Variants in CMSS1 observed in about 807,000 individuals in gnomAD.
CMSS1 encodes the protein cms1 ribosomal small subunit homolog, also known as protein CMSS1.
CMSS1 carries 33 observed loss-of-function variants against 43.5 expected under a neutral mutation model. The observed-to-expected ratio is 0.76, with a 90% CI of 0.57 to 1.01. The LOEUF is 1.01. CMSS1 is among the 50% of genes least tolerant of loss of function. The pLI is 0.00. For missense variants in CMSS1, 313 were observed against 326.4 expected, an observed-to-expected ratio of 0.96 and a Z score of 0.32; for synonymous variants, 115 against 117.2, an observed-to-expected ratio of 0.98 and a Z score of 0.12.
rs113555466 is a variant in CMSS1, at chr3:100,162,530, G to A, written c.355+98G>A. ...GCAGTCAATTAACACATTTTCCAGC[G>A]GGCATGGTGGCTCATGCCTATAATC... is the stretch of plus-strand genomic sequence containing the variant. On this transcript the variant is annotated intron_variant, in intron 4 of 9. Coordinates refer to ENST00000421999, the MANE Select transcript of CMSS1 (RefSeq NM_032359.4). 2.4e-4 allele frequency: 313 copies of A among 1,299,080 alleles called. 1 individual carries two copies. In the African/African-American group the frequency reaches 3.2e-3, roughly 13 times the overall value. The allele number at this position is 1,299,080 out of a possible 1,614,324, so 80.5% of individuals were successfully genotyped here.
At chr3:99,865,748 A>G (rs1396169724) in intron 1 of CMSS1, among the ~76,000 whole-genome samples, 6 of 151,636 alleles carry the variant, frequency 4.0e-5, no homozygotes, top group African/African-American at 1.5e-4. Context: ...TCAAGGGCAT[A>G]ATAATAAATA....
At chr3:99,898,043 A>G (rs1706315465) in intron 1 of CMSS1, 1 of 151,782 alleles carries the variant, frequency 6.6e-6, no homozygotes, top group Admixed American at 6.6e-5. Context: ...TTTTTTCTCC[A>G]GTTAGTCGTC....
In CMSS1 at chr3:100,060,478, A is replaced by C. The variant is rs569382406; in HGVS notation, c.65-86495A>C. 8.5e-5 allele frequency among the ~76,000 whole-genome samples: 13 copies of C among 152,262 alleles called. No homozygotes were observed. In the South Asian group the frequency reaches 2.7e-3, roughly 32 times the overall value. On this transcript the variant is annotated intron_variant, in intron 1 of 9. Transcript: ENST00000421999. The stretch of plus-strand genomic sequence containing the variant: ...CAAGAAAATGAAATCAGAGCACATT[A>C]GAATAGCATCTTCACCCAAGAAAAA...
chr3:100,100,443 G>A (rs1383804853), intron 1 of CMSS1, among the ~76,000 whole-genome samples: 2 of 152,076 alleles, frequency 1.3e-5, no homozygotes, highest in Non-Finnish European at 2.9e-5. Context: ...TACAGATTAG[G>A]TCATAAGGCA....
chr3:100,119,873 T>G (rs1055906931), intron 1 of CMSS1, among the ~76,000 whole-genome samples: 1 of 152,202 alleles, frequency 6.6e-6, no homozygotes, highest in African/African-American at 2.4e-5. Flanking sequence ...TATGTAAAAT[T>G]GAAAGTTCTG....
chr3:100,176,804 T>C (rs1182045157), intron 9 of CMSS1, among the ~76,000 whole-genome samples: 1 of 152,198 alleles, frequency 6.6e-6, no homozygotes, highest in Non-Finnish European at 1.5e-5. Context: ...GGTACAAACT[T>C]GCCTCTGCCA....
chr3:100,136,069 A>T (rs929378446), intron 1 of CMSS1, among the ~76,000 whole-genome samples: 16 of 152,194 alleles, frequency 1.1e-4, no homozygotes, highest in Non-Finnish European at 2.2e-4. Flanking sequence ...GAGAAAAAGG[A>T]TCACCCACTC....
intron 1 of CMSS1, among the ~76,000 whole-genome samples, chr3:99,851,668 C>A (rs1367370415): frequency 2.0e-5 from 3 of 152,162 alleles, no homozygotes; most frequent in African/African-American, 7.2e-5. Flanking sequence ...AAATGGCTTG[C>A]TTGAACCAAA....
intron 4 of CMSS1, among the ~76,000 whole-genome samples, chr3:100,162,723 C>T (rs13074029): frequency 0.051 from 7,751 of 152,262 alleles, 294 homozygotes; most frequent in Non-Finnish European, 0.07. Context: ...CCTATAATCC[C>T]AGCACTCTGG....
chr3:99,929,956 A>G (rs1482899968), intron 1 of CMSS1: 12 of 1,613,984 alleles, frequency 7.4e-6, no homozygotes, highest in Non-Finnish European at 8.5e-6. Flanking sequence ...TGGAGTGACA[A>G]ACCCATACTG....
chr3:99,956,838 A>T (rs1254893429), intron 1 of CMSS1, among the ~76,000 whole-genome samples: 1 of 152,050 alleles, frequency 6.6e-6, no homozygotes, highest in Non-Finnish European at 1.5e-5. Context: ...TTTCTCTTCC[A>T]TCTTCACATT....
chr3:100,109,881 A>C (rs984646341), intron 1 of CMSS1: 1 of 150,418 alleles, frequency 6.6e-6, no homozygotes, highest in Non-Finnish European at 1.5e-5. Context: ...TGCAATCTGC[A>C]TCTGCAAATG....
chr3:99,866,066 C>T (rs1325477199), intron 1 of CMSS1, among the ~76,000 whole-genome samples: 1 of 152,010 alleles, frequency 6.6e-6, no homozygotes, highest in African/African-American at 2.4e-5. Flanking sequence ...CGTTGGGCTG[C>T]TTTTCTTTCC....
intron 1 of CMSS1, among the ~76,000 whole-genome samples, chr3:100,029,331 A>G (rs934782248): frequency 7.2e-5 from 11 of 152,034 alleles, no homozygotes; most frequent in Admixed American, 1.3e-4. Flanking sequence ...ACATAACACT[A>G]TTGATTTTGA....
intron 1 of CMSS1, among the ~76,000 whole-genome samples, chr3:100,108,798 T>A (rs1291946477): frequency 6.6e-6 from 1 of 152,166 alleles, no homozygotes; most frequent in Non-Finnish European, 1.5e-5. Context: ...GTACACCTCA[T>A]GCTCAGCACA....
chr3:99,832,055 C>A (rs1031229307), intron 1 of CMSS1, among the ~76,000 whole-genome samples: 2 of 152,140 alleles, frequency 1.3e-5, no homozygotes, highest in Non-Finnish European at 2.9e-5. Context: ...ATGGTGGTCA[C>A]TGATACTTTC....
chr3:100,074,200 C>G (rs1283973336), intron 1 of CMSS1, among the ~76,000 whole-genome samples: 1 of 152,114 alleles, frequency 6.6e-6, no homozygotes, highest in Non-Finnish European at 1.5e-5. Context: ...CAGTGGAGTC[C>G]GAGAGCTCTA....
chr3:99,915,725 G>A (rs1187137951), intron 1 of CMSS1, among the ~76,000 whole-genome samples: 1 of 152,030 alleles, frequency 6.6e-6, no homozygotes. Flanking sequence ...TACACTAAAG[G>A]AAATAGGATA....
intron 1 of CMSS1, among the ~76,000 whole-genome samples, chr3:99,874,646 C>T (rs965647139): frequency 3.3e-5 from 5 of 152,142 alleles, no homozygotes; most frequent in Admixed American, 6.5e-5. Flanking sequence ...AACAAAAAAA[C>T]TGCTATGAGG....
Sources: allele counts gnomAD v4.1 joint callset (sites outside exome capture counted in the v4.1 genomes callset), GRCh38; gene constraint gnomAD v4.1.1; transcripts MANE v1.5; gene names NCBI Gene and HGNC (gene_info 2026-07-23, HGNC 2026-07-21).